The following CSMD1 variants were observed in gnomAD, a reference collection of about 807,000 sequenced individuals.
CSMD1 encodes the protein CUB and Sushi multiple domains 1, also known as CUB and sushi domain-containing protein 1.
A neutral mutation model predicts 417.5 loss-of-function variants in CSMD1; 213 were observed. That is an observed-to-expected ratio of 0.51 (90% CI 0.46 to 0.57). The LOEUF is 0.57. Among genes scored for constraint, CSMD1 ranks in the 20% least tolerant of loss-of-function variants. The probability of loss-of-function intolerance (pLI) is 0.00; values close to 1 mark genes in which losing one functional copy is unlikely to be tolerated. For synonymous variants in CSMD1, 2,862 were observed against 1,736.8 expected (o/e 1.65, Z -16.11); for missense variants, 6,923 against 4,529.7 (o/e 1.53, Z -15.17).
At chr8:3,538,744 C>T (rs939376269) in intron 10 of CSMD1, among the ~76,000 whole-genome samples, 10 of 152,228 alleles carry the variant, frequency 6.6e-5, no homozygotes, top group African/African-American at 2.2e-4. Flanking sequence ...GATTCATCAG[C>T]AGTCACACAG....
chr8:3,056,266 C>A (rs983375984), intron 49 of CSMD1, among the ~76,000 whole-genome samples: 2 of 152,168 alleles, frequency 1.3e-5, no homozygotes, highest in African/African-American at 4.8e-5. Context: ...GTTGTCTGAA[C>A]CTTTAATACC....
At chr8:4,156,752 A>C (rs1186239733) in intron 3 of CSMD1, among the ~76,000 whole-genome samples, 1 of 152,156 alleles carries the variant, frequency 6.6e-6, no homozygotes, top group Admixed American at 6.5e-5. Flanking sequence ...TCAACCTTTG[A>C]ACAGGAAATC....
At chr8:4,980,143 C>T (rs985764155) in intron 1 of CSMD1, among the ~76,000 whole-genome samples, 1 of 152,218 alleles carries the variant, frequency 6.6e-6, no homozygotes, top group Non-Finnish European at 1.5e-5. Context: ...AGCAATAAAA[C>T]CCTGTAACAC....
chr8:3,847,900 T>C (rs1803619177), intron 5 of CSMD1, among the ~76,000 whole-genome samples: 1 of 152,180 alleles, frequency 6.6e-6, no homozygotes, highest in Non-Finnish European at 1.5e-5. Context: ...TCTATCCGTT[T>C]TCTCTCCTTA....
intron 5 of CSMD1, among the ~76,000 whole-genome samples, chr8:3,841,515 A>G (rs1308092093): frequency 6.6e-6 from 1 of 152,066 alleles, no homozygotes; most frequent in Non-Finnish European, 1.5e-5. Flanking sequence ...ATTTGTGGGG[A>G]TGTCTAGGGA....
At chr8:3,028,510 A>G (rs190645002) in intron 51 of CSMD1, among the ~76,000 whole-genome samples, 1 of 152,170 alleles carries the variant, frequency 6.6e-6, no homozygotes, top group Non-Finnish European at 1.5e-5. Flanking sequence ...GTTCATTACG[A>G]TTATGAAAGC....
At chr8:4,138,290 A>G (rs1803561500) in intron 3 of CSMD1, among the ~76,000 whole-genome samples, 1 of 149,238 alleles carries the variant, frequency 6.7e-6, no homozygotes, top group African/African-American at 2.5e-5. Context: ...GGCAAGATGC[A>G]GGTTTCAGAA....
chr8:4,613,296 C>T (rs996628710), intron 2 of CSMD1, among the ~76,000 whole-genome samples: 14 of 152,160 alleles, frequency 9.2e-5, no homozygotes, highest in African/African-American at 3.4e-4. Context: ...GCTCCGAGTG[C>T]CCATTGCACT....
Position 4,706,420 on chromosome 8 carries a change from A to G in CSMD1, c.86-68862T>C, listed in dbSNP as rs192175635. Among the ~76,000 whole-genome samples the G allele has an allele frequency of 2.6e-5, 4 of 152,372 alleles. No individual in the cohort carries two copies. In the East Asian group the frequency reaches 7.7e-4, roughly 29 times the overall value. On this transcript the variant is annotated intron_variant, in intron 1 of 69. Transcript: ENST00000635120. Reference sequence around the variant, plus strand: ...AAGTGTATAATGAAATTGCTATAGCATAACAGATGATATGACCAATGAGCT... The same window carrying G: ...AAGTGTATAATGAAATTGCTATAGCGTAACAGATGATATGACCAATGAGCT...
intron 21 of CSMD1, among the ~76,000 whole-genome samples, chr8:3,354,585 G>C (rs1361622249): frequency 6.6e-6 from 1 of 151,852 alleles, no homozygotes; most frequent in Non-Finnish European, 1.5e-5. Flanking sequence ...TACTCACGAA[G>C]AATATTTAAG....
intron 7 of CSMD1, among the ~76,000 whole-genome samples, chr8:3,648,845 T>C (rs74419593): frequency 1.2e-3 from 184 of 152,336 alleles, no homozygotes; most frequent in African/African-American, 4.1e-3. Flanking sequence ...TCTTATGTTA[T>C]GTTGTTACCA....
chr8:4,441,253 A>G (rs1385003900), intron 2 of CSMD1, among the ~76,000 whole-genome samples: 1 of 142,078 alleles, frequency 7.0e-6, no homozygotes, highest in African/African-American at 2.6e-5. Context: ...CCTGAGCACT[A>G]CACTCAGTTT....
chr8:3,658,866 G>A (rs531406590), intron 7 of CSMD1, among the ~76,000 whole-genome samples: 4 of 152,264 alleles, frequency 2.6e-5, no homozygotes, highest in East Asian at 3.9e-4. Flanking sequence ...CCTAATTCCA[G>A]GGGATGTTTC....
At chr8:3,414,805 A>G (rs1030491166) in intron 12 of CSMD1, among the ~76,000 whole-genome samples, 1 of 152,082 alleles carries the variant, frequency 6.6e-6, no homozygotes, top group African/African-American at 2.4e-5. Flanking sequence ...CCTGCTGTAA[A>G]TATTTAGTCC....
At chr8:3,689,287 G>A (rs1800110478) in intron 7 of CSMD1, among the ~76,000 whole-genome samples, 1 of 152,138 alleles carries the variant, frequency 6.6e-6, no homozygotes, top group Non-Finnish European at 1.5e-5. Flanking sequence ...TCAGGGGCCT[G>A]TGGCTAACAT....
At chr8:3,218,572 A>C in intron 29 of CSMD1, among the ~76,000 whole-genome samples, 1 of 150,906 alleles carries the variant, frequency 6.6e-6, no homozygotes, top group East Asian at 2.0e-4. Context: ...AAAATAAAAA[A>C]AAAAAGAAAT....
At chr8:4,485,998 CCTT>C (rs987249973) in intron 2 of CSMD1, among the ~76,000 whole-genome samples, 2 of 151,612 alleles carry the variant, frequency 1.3e-5, no homozygotes, top group African/African-American at 4.9e-5. Context: ...GTGAATCCCT[CCTT>C]ATGTAATAGC....
intron 5 of CSMD1, chr8:3,950,102 G>C: frequency 2.3e-6 from 1 of 429,192 alleles, no homozygotes; most frequent in Non-Finnish European, 4.7e-6. Flanking sequence ...TAAAGGCAAT[G>C]ATAATAATAA....
At chr8:3,242,181 C>T (rs568123899) in intron 26 of CSMD1, among the ~76,000 whole-genome samples, 2 of 151,842 alleles carry the variant, frequency 1.3e-5, no homozygotes, top group South Asian at 2.1e-4. Flanking sequence ...GAGGGCTAGT[C>T]CCAGAATGAA....
Sources: allele counts gnomAD v4.1 joint callset (sites outside exome capture counted in the v4.1 genomes callset), GRCh38; gene constraint gnomAD v4.1.1; transcripts MANE v1.5; gene names NCBI Gene and HGNC (gene_info 2026-07-23, HGNC 2026-07-21).